The following SNX6 variants were observed in gnomAD, a reference collection of about 807,000 sequenced individuals.
SNX6 encodes the protein sorting nexin-6.
In SNX6, 34 loss-of-function variants were observed where a neutral mutation model predicts 63.0. The observed-to-expected ratio is 0.54, with a 90% confidence interval of 0.41 to 0.72. The LOEUF is 0.72. Ranked by LOEUF, SNX6 falls within the 30% of genes least tolerant of loss-of-function variation. The pLI is 0.00. For synonymous variants in SNX6, 170 were observed against 164.2 expected (o/e 1.04, Z -0.27); for missense variants, 398 against 471.4 (o/e 0.84, Z 1.44).
intron 10 of SNX6, among the ~76,000 whole-genome samples, chr14:34,576,091 T>A (rs1881687217): frequency 6.6e-6 from 1 of 150,984 alleles, no homozygotes; most frequent in South Asian, 2.1e-4. Context: ...GCCCGGCTAT[T>A]TTTTTTGTAT....
chr14:34,593,777 A>G (rs1270008706), intron 7 of SNX6, among the ~76,000 whole-genome samples: 1 of 148,978 alleles, frequency 6.7e-6, no homozygotes, highest in Non-Finnish European at 1.5e-5. Flanking sequence ...ACAGGGTTTC[A>G]CCACATTGGT....
At chr14:34,615,840 A>G (rs1452496997) in intron 2 of SNX6, among the ~76,000 whole-genome samples, 1 of 152,238 alleles carries the variant, frequency 6.6e-6, no homozygotes, top group Non-Finnish European at 1.5e-5. Flanking sequence ...CCAGTCCCCA[A>G]AATAAAATCA....
chr14:34,629,938 C>A lies in SNX6; in HGVS notation c.23G>T (p.Gly8Val), dbSNP rs1009677897. The part of the protein sequence containing the change: MMEGLDD[G>V]PDFLSEEDRG... ...GTCCTCTTCTGAGAGGAAGTCCGGGCCGTCGTCCAGGCCTTCCTGTGGGGT... is the reference window on the plus strand; with the variant it reads ...GTCCTCTTCTGAGAGGAAGTCCGGGACGTCGTCCAGGCCTTCCTGTGGGGT... Residue 8 changes from glycine to valine, a missense_variant, in exon 2 of 14, where the codon GGC (glycine) becomes GTC (valine). Coordinates refer to ENST00000362031, the MANE Select transcript of SNX6 (RefSeq NM_152233.4). 15 of 1,549,840 alleles carry A rather than the reference C, an allele frequency of 9.7e-6. No homozygotes were observed. Among genetic ancestry groups the A allele is most frequent in the East Asian group, 2.4e-5 (1 of 41,618 alleles).
At chr14:34,575,255 A>C (rs1014067710) in intron 11 of SNX6, among the ~76,000 whole-genome samples, 4 of 144,894 alleles carry the variant, frequency 2.8e-5, no homozygotes, top group African/African-American at 1.0e-4. Flanking sequence ...CTGGAGTGCA[A>C]TGGCACGCGA....
At chr14:34,627,916 T>C (rs1326768314) in intron 2 of SNX6, among the ~76,000 whole-genome samples, 1 of 152,220 alleles carries the variant, frequency 6.6e-6, no homozygotes, top group Admixed American at 6.5e-5. Context: ...CCATTGTGCC[T>C]GGCCGAAACT....
chr14:34,629,416 G>A (rs889099684), intron 2 of SNX6: 5 of 453,594 alleles, frequency 1.1e-5, no homozygotes, highest in Non-Finnish European at 2.2e-5. Flanking sequence ...AGTTGATTCG[G>A]CTACTATAAA....
At chr14:34,614,601 AAT>A (rs2138369701) in intron 2 of SNX6, among the ~76,000 whole-genome samples, 2 of 152,244 alleles carry the variant, frequency 1.3e-5, no homozygotes, top group Admixed American at 1.3e-4. Context: ...CTCAGCTGTT[AAT>A]ATGTTGTTCT....
chr14:34,623,456 C>A (rs979560706), intron 2 of SNX6, among the ~76,000 whole-genome samples: 1 of 152,014 alleles, frequency 6.6e-6, no homozygotes, highest in African/African-American at 2.4e-5. Context: ...AAAAAGGGGT[C>A]CAAGGAAGTC....
chr14:34,610,978 CGT>C (rs202152885), intron 2 of SNX6, among the ~76,000 whole-genome samples: 9 of 151,266 alleles, frequency 5.9e-5, no homozygotes, highest in Admixed American at 1.3e-4. Flanking sequence ...AATATATATA[CGT>C]GTGTGTGTGT....
At position 34,593,155 on chromosome 14, in the gene SNX6, A is replaced by G. The variant is rs775038806; in HGVS notation, c.613-5T>C. Reference sequence around the variant, plus strand: ...CTCAAAGAAATCATCTACATCCTATAAGATCAAAAGAAAATATAAACTTTT... The same window carrying G: ...CTCAAAGAAATCATCTACATCCTATGAGATCAAAAGAAAATATAAACTTTT... On this transcript the variant is annotated splice_polypyrimidine_tract_variant and splice_region_variant and intron_variant, in intron 7 of 13. Transcript: ENST00000362031. The G allele has an allele frequency of 7.8e-6, 12 of 1,537,292 alleles. No homozygotes were observed. The highest frequency in any genetic ancestry group is 1.1e-5 in the Non-Finnish European group (12 of 1,134,116).
chr14:34,586,968 C>T (rs1333328785), intron 8 of SNX6, among the ~76,000 whole-genome samples: 1 of 140,174 alleles, frequency 7.1e-6, no homozygotes, highest in Non-Finnish European at 1.5e-5. Flanking sequence ...GAGATCACAC[C>T]ACTGCACTCC....
At chr14:34,576,453 T>TATA (rs201315469) in intron 10 of SNX6, among the ~76,000 whole-genome samples, 6 of 3,530 alleles carry the variant, frequency 1.7e-3, no homozygotes, top group South Asian at 0.023. Context: ...TATATATATA[T>TATA]TTTTTTTTTT....
intron 4 of SNX6, 63 bp from the exon 5 acceptor site, chr14:34,605,780 G>T: frequency 6.4e-7 from 1 of 1,557,060 alleles, no homozygotes. Flanking sequence ...TTGTACTACT[G>T]CCACCATAGA....
chr14:34,568,068 C>T lies in SNX6; in HGVS notation c.922-55G>A, dbSNP rs924707318. 2.7e-6 allele frequency: 4 copies of T among 1,457,572 alleles called. No individual in the cohort carries two copies. The Admixed American group carries it at 5.6e-5, about 21-fold the overall frequency. The allele number at this position is 1,457,572 out of a possible 1,614,324, so 90.3% of individuals were successfully genotyped here. ...ATATACTGCATGTTTCCAGTAGTCA[C>T]ACCCAGCCACCACTGTCACCACCAC... On this transcript the variant is annotated intron_variant, in intron 11 of 13. Transcript: ENST00000362031.
Position 34,606,971 on chromosome 14 carries a change from G to A in SNX6, c.270+1059C>T, listed in dbSNP as rs1228482153. Among the ~76,000 whole-genome samples, 4 of 150,694 alleles carry A rather than the reference G, an allele frequency of 2.7e-5. No homozygotes were observed. The East Asian group carries it at 6.0e-4, about 23-fold the overall frequency. On this transcript the variant is annotated intron_variant, in intron 4 of 13. Coordinates refer to ENST00000362031, the MANE Select transcript of SNX6 (RefSeq NM_152233.4). ...TTAAAAATATTTTTAGTAGAGACGA[G>A]GTTTTACCATCTTGGCCAGGCTGGT...
At chr14:34,617,057 G>A (rs1397093189) in intron 2 of SNX6, among the ~76,000 whole-genome samples, 2 of 152,108 alleles carry the variant, frequency 1.3e-5, no homozygotes, top group Non-Finnish European at 2.9e-5. Context: ...ACTCCAGCCT[G>A]GTCAAGAGAG....
chr14:34,621,547 G>A (rs1883619827), intron 2 of SNX6, among the ~76,000 whole-genome samples: 1 of 152,212 alleles, frequency 6.6e-6, no homozygotes, highest in African/African-American at 2.4e-5. Flanking sequence ...AGACAGCAGT[G>A]AAGAGACACA....
intron 13 of SNX6, among the ~76,000 whole-genome samples, chr14:34,564,820 C>CTT (rs1054188208): frequency 1.3e-4 from 18 of 143,098 alleles, no homozygotes; most frequent in African/African-American, 4.7e-4. Context: ...AAGAGTGAAA[C>CTT]TAAGTATCAA....
chr14:34,593,492 C>T (rs911716631), intron 7 of SNX6, among the ~76,000 whole-genome samples: 4 of 150,942 alleles, frequency 2.7e-5, no homozygotes, highest in Non-Finnish European at 4.4e-5. Flanking sequence ...CTCTGCCTCC[C>T]GGGTTCAAGC....
Sources: allele counts gnomAD v4.1 joint callset (sites outside exome capture counted in the v4.1 genomes callset), GRCh38; gene constraint gnomAD v4.1.1; transcripts MANE v1.5; gene names NCBI Gene and HGNC (gene_info 2026-07-23, HGNC 2026-07-21).